Variants in NFIB observed in about 807,000 individuals in gnomAD.
NFIB encodes the protein nuclear factor 1 B-type.
In NFIB, 11 loss-of-function variants were observed where a neutral mutation model predicts 61.5. The observed-to-expected ratio is 0.18, with a 90% confidence interval of 0.11 to 0.30. The LOEUF (loss-of-function observed/expected upper bound fraction) is 0.30, where lower values mean the gene tolerates loss of function less well. Among genes scored for constraint, NFIB ranks in the 10% least tolerant of loss-of-function variants. The pLI, the probability that NFIB is intolerant of heterozygous loss-of-function variation, is 1.00. For synonymous variants in NFIB, 260 were observed against 216.5 expected (o/e 1.20, Z -1.76); for missense variants, 471 against 608.9 (o/e 0.77, Z 2.38).
chr9:14,201,894 C>T (rs1438114784), intron 2 of NFIB, among the ~76,000 whole-genome samples: 2 of 145,508 alleles, frequency 1.4e-5, no homozygotes, highest in Admixed American at 1.4e-4. Flanking sequence ...TTTATCCATT[C>T]GTTTATTTTT....
chr9:14,202,371 TC>T (rs1358663754), intron 2 of NFIB, among the ~76,000 whole-genome samples: 8 of 152,176 alleles, frequency 5.3e-5, no homozygotes, highest in African/African-American at 1.9e-4. Flanking sequence ...TTCTCCGACT[TC>T]CATTATCTTT....
intron 2 of NFIB, among the ~76,000 whole-genome samples, chr9:14,210,974 T>C (rs2050246339): frequency 6.6e-6 from 1 of 152,216 alleles, no homozygotes; most frequent in Admixed American, 6.5e-5. Context: ...GTTGAAACCG[T>C]ACTGAATTTC....
At chr9:14,511,946 T>C in the NFIB span, among the ~76,000 whole-genome samples, 1 of 152,204 alleles carries the variant, frequency 6.6e-6, no homozygotes, top group Non-Finnish European at 1.5e-5. Context: ...AATTTGTAAG[T>C]TAATTGTGGC....
At chr9:14,166,996 G>C (rs1427015056) in intron 3 of NFIB, among the ~76,000 whole-genome samples, 1 of 146,644 alleles carries the variant, frequency 6.8e-6, no homozygotes, top group South Asian at 2.2e-4. Flanking sequence ...TATTTTCAAA[G>C]ATATGTCCTC....
At chr9:14,284,312 G>A (rs1327349224) in intron 2 of NFIB, among the ~76,000 whole-genome samples, 7 of 152,144 alleles carry the variant, frequency 4.6e-5, no homozygotes, top group African/African-American at 1.2e-4. Flanking sequence ...GAGGATTGCT[G>A]TCTTTCAGAA....
intron 2 of NFIB, among the ~76,000 whole-genome samples, chr9:14,183,023 C>A (rs1320595722): frequency 6.6e-6 from 1 of 151,866 alleles, no homozygotes; most frequent in Non-Finnish European, 1.5e-5. Context: ...ATGGTTTAAA[C>A]ATATTAAAAT....
the NFIB span, among the ~76,000 whole-genome samples, chr9:14,472,842 A>AAAAAAT: frequency 6.6e-6 from 1 of 152,192 alleles, no homozygotes; most frequent in Non-Finnish European, 1.5e-5. Context: ...CTCCGTCTCA[A>AAAAAAT]AAAAATAAAA....
the NFIB span, among the ~76,000 whole-genome samples, chr9:14,487,679 T>G: frequency 1.3e-5 from 2 of 152,218 alleles, no homozygotes; most frequent in African/African-American, 4.8e-5. Context: ...AAACTAGATT[T>G]CTTCCTTCCT....
Position 14,313,954 on chromosome 9 carries a change from G to A in NFIB, c.-443C>T, listed in dbSNP as rs1697863417. Reference sequence around the variant, plus strand: ...GCTTTTTCAAAAAAGGCGGGGAGGGGGGCGCGGGAGGGCGCAGGAGGGCGA... The same window carrying A: ...GCTTTTTCAAAAAAGGCGGGGAGGGAGGCGCGGGAGGGCGCAGGAGGGCGA... On this transcript the variant is annotated 5_prime_UTR_variant, in exon 1 of 11. Transcript: ENST00000380953. The surrounding 1 kb of genome is among the most constrained non-coding windows in gnomAD (Gnocchi z 4.5). 27 of 1,064,194 alleles carry A rather than the reference G, an allele frequency of 2.5e-5. No homozygotes were observed. The highest frequency in any genetic ancestry group is 3.0e-5 in the Non-Finnish European group (26 of 880,322). 65.9% of individuals were successfully genotyped at this position (1,064,194 alleles called of 1,614,324 possible). A position where few individuals can be genotyped will look rare whatever the true frequency, so the allele number is the denominator to read the frequency against.
the NFIB span, among the ~76,000 whole-genome samples, chr9:14,507,152 C>G: frequency 1.6e-3 from 237 of 152,334 alleles, 1 homozygote; most frequent in African/African-American, 5.5e-3. Context: ...TGTCCTGTTA[C>G]ATTTCTTCAC....
intron 2 of NFIB, among the ~76,000 whole-genome samples, chr9:14,188,884 A>G (rs2047652100): frequency 6.6e-6 from 1 of 152,238 alleles, no homozygotes; most frequent in South Asian, 2.1e-4. Context: ...CTGGTGAAAT[A>G]AGAATCTGAA....
chr9:14,469,507 A>G, the NFIB span, among the ~76,000 whole-genome samples: 137 of 152,236 alleles, frequency 9.0e-4, no homozygotes, highest in African/African-American at 3.3e-3. Flanking sequence ...TCTCCCTTCC[A>G]AATTTGGAAA....
intron 2 of NFIB, among the ~76,000 whole-genome samples, chr9:14,288,837 T>G (rs1346794037): frequency 6.6e-6 from 1 of 152,004 alleles, no homozygotes; most frequent in Non-Finnish European, 1.5e-5. Flanking sequence ...CTTAAAATAT[T>G]GAAAACAGTG....
the NFIB span, among the ~76,000 whole-genome samples, chr9:14,525,450 G>A: frequency 6.6e-6 from 1 of 152,136 alleles, no homozygotes; most frequent in South Asian, 2.1e-4. Context: ...GGCCTCCCCT[G>A]TAAAGTGGTT....
chr9:14,481,197 G>GTATATATATATATATATATATATA, the NFIB span, among the ~76,000 whole-genome samples: 182 of 45,760 alleles, frequency 4.0e-3, 12 homozygotes, highest in South Asian at 6.9e-3. Flanking sequence ...GTGTGTGTGT[G>GTATATATATATATATATATATATA]TATATATATA....
chr9:14,506,481 C>G, the NFIB span, among the ~76,000 whole-genome samples: 1 of 151,956 alleles, frequency 6.6e-6, no homozygotes, highest in African/African-American at 2.4e-5. Context: ...AAGAAACGAA[C>G]AGGATAAGAA....
At chr9:14,520,553 C>CA in the NFIB span, among the ~76,000 whole-genome samples, 2 of 152,326 alleles carry the variant, frequency 1.3e-5, no homozygotes, top group South Asian at 4.2e-4. Context: ...CACTCTCTTC[C>CA]AATGAGTATG....
At chr9:14,088,424 C>A in intron 10 of NFIB, 98 bp from the exon 11 acceptor site, 1 of 1,222,978 alleles carries the variant, frequency 8.2e-7, no homozygotes. Flanking sequence ...CCAGATGCAT[C>A]AAATTATTGC....
intron 2 of NFIB, among the ~76,000 whole-genome samples, chr9:14,196,743 G>C (rs561651969): frequency 6.7e-6 from 1 of 150,358 alleles, no homozygotes; most frequent in Admixed American, 6.6e-5. Context: ...TCAGAACTAT[G>C]GAGTCTACAA....
Sources: allele counts gnomAD v4.1 joint callset (sites outside exome capture counted in the v4.1 genomes callset), GRCh38; gene constraint gnomAD v4.1.1; non-coding constraint Gnocchi (gnomAD v3.1); transcripts MANE v1.5; gene names NCBI Gene and HGNC (gene_info 2026-07-23, HGNC 2026-07-21).